KCNT2: variants seen among roughly 807,000 people sequenced by gnomAD.
KCNT2 encodes potassium sodium-activated channel subfamily T member 2.
KCNT2 carries 67 observed loss-of-function variants against 153.8 expected under a neutral mutation model. The ratio of observed to expected loss-of-function variants is 0.44; its 90% CI spans 0.36 to 0.53. The LOEUF is 0.53. Among genes scored for constraint, KCNT2 ranks in the 20% least tolerant of loss-of-function variants. The probability of loss-of-function intolerance (pLI) is 0.00; values close to 1 mark genes in which losing one functional copy is unlikely to be tolerated. For synonymous variants in KCNT2, 500 were observed against 458.8 expected, an observed-to-expected ratio of 1.09 and a Z score of -1.15; for missense variants, 975 against 1,354.8, an observed-to-expected ratio of 0.72 and a Z score of 4.40.
intron 1 of KCNT2, among the ~76,000 whole-genome samples, chr1:196,584,617 C>T (rs1029406143): frequency 6.6e-6 from 1 of 152,020 alleles, no homozygotes; most frequent in Non-Finnish European, 1.5e-5. Context: ...GATGAATGAA[C>T]ATATTTTCAG....
chr1:196,479,099 C>T (rs1205276867), intron 5 of KCNT2, 80 bp downstream of exon 5: 10 of 929,746 alleles, frequency 1.1e-5, no homozygotes, highest in East Asian at 2.7e-5. Flanking sequence ...CCTTCCAGTG[C>T]GAACTATAAA....
At chr1:196,320,544 C>T (rs1386750520) in intron 19 of KCNT2, among the ~76,000 whole-genome samples, 2 of 151,646 alleles carry the variant, frequency 1.3e-5, no homozygotes, top group Admixed American at 6.6e-5. Context: ...GTTTGTTCAG[C>T]ATATGAGGAG....
chr1:196,606,344 A>G (rs1191118053), intron 1 of KCNT2, among the ~76,000 whole-genome samples: 1 of 152,204 alleles, frequency 6.6e-6, no homozygotes, highest in Non-Finnish European at 1.5e-5. Context: ...AACAAATGGA[A>G]CCAAAACCAA....
chr1:196,586,569 ATT>A, intron 1 of KCNT2, among the ~76,000 whole-genome samples: 1 of 152,230 alleles, frequency 6.6e-6, no homozygotes, highest in Admixed American at 6.5e-5. Flanking sequence ...CTGATTTATC[ATT>A]GAGTCACTTT....
At chr1:196,554,401 C>A (rs959796142) in intron 1 of KCNT2, among the ~76,000 whole-genome samples, 4 of 151,184 alleles carry the variant, frequency 2.6e-5, no homozygotes, top group African/African-American at 9.7e-5. Context: ...GTTGGAAAAT[C>A]TGGAGGAAAT....
At chr1:196,526,195 G>A (rs1654175530) in intron 1 of KCNT2, among the ~76,000 whole-genome samples, 2 of 151,746 alleles carry the variant, frequency 1.3e-5, no homozygotes, top group African/African-American at 2.4e-5. Context: ...CAGTGTGAGT[G>A]AAACTTTACA....
intron 11 of KCNT2, among the ~76,000 whole-genome samples, chr1:196,425,102 A>T (rs1050938179): frequency 1.3e-5 from 2 of 151,980 alleles, no homozygotes; most frequent in African/African-American, 4.8e-5. Context: ...ATTGAGCAAA[A>T]CCACTTTTGT....
intron 3 of KCNT2, among the ~76,000 whole-genome samples, chr1:196,488,923 A>G (rs2148724305): frequency 1.3e-5 from 2 of 152,088 alleles, no homozygotes; most frequent in Middle Eastern, 6.8e-3. Flanking sequence ...TATGTGGGAG[A>G]GCACCCAGAA....
intron 14 of KCNT2, among the ~76,000 whole-genome samples, chr1:196,350,067 T>C (rs997548966): frequency 2.0e-5 from 3 of 152,212 alleles, no homozygotes; most frequent in Admixed American, 6.6e-5. Context: ...TAGTATTCCA[T>C]GGTGTATATG....
At chr1:196,495,878 A>G (rs1272941325) in intron 1 of KCNT2, among the ~76,000 whole-genome samples, 1 of 152,112 alleles carries the variant, frequency 6.6e-6, no homozygotes, top group East Asian at 1.9e-4. Context: ...TTGCTATTTA[A>G]TAGTTATTTT....
At chr1:196,531,696 T>G (rs1280024080) in intron 1 of KCNT2, among the ~76,000 whole-genome samples, 1 of 152,046 alleles carries the variant, frequency 6.6e-6, no homozygotes, top group Non-Finnish European at 1.5e-5. Flanking sequence ...AAATGTAGAT[T>G]TGTGATAAGT....
chr1:196,548,320 A>C (rs1459355946), intron 1 of KCNT2, among the ~76,000 whole-genome samples: 1 of 152,018 alleles, frequency 6.6e-6, no homozygotes, highest in Non-Finnish European at 1.5e-5. Context: ...AGAAAAAAAC[A>C]AACAACCCCA....
At position 196,451,312 on chromosome 1, in the gene KCNT2, C is replaced by T. The variant is rs145196645; in HGVS notation, c.638+13981G>A. Among the ~76,000 whole-genome samples, 700 of 135,562 alleles carry T rather than the reference C, an allele frequency of 5.2e-3. 3 individuals are homozygous for T. Among genetic ancestry groups the T allele is most frequent in the Non-Finnish European group, 7.5e-3 (485 of 64,386 alleles). The allele number at this position is 135,562 out of a possible 152,430, so 88.9% of individuals were successfully genotyped here. A position where few individuals can be genotyped will look rare whatever the true frequency, so the allele number is the denominator to read the frequency against. On this transcript the variant is annotated intron_variant, in intron 8 of 27. Coordinates refer to ENST00000294725, the MANE Select transcript of KCNT2 (RefSeq NM_198503.5). Reference sequence around the variant, plus strand: ...GGCTGGAGTACAGACACAATCTCAGCTCACTGCAACCTGTGAATCCCAGGT... The same window carrying T: ...GGCTGGAGTACAGACACAATCTCAGTTCACTGCAACCTGTGAATCCCAGGT...
intron 13 of KCNT2, among the ~76,000 whole-genome samples, chr1:196,389,888 C>G (rs1670321537): frequency 6.6e-6 from 1 of 151,588 alleles, no homozygotes; most frequent in Non-Finnish European, 1.5e-5. Context: ...CTGCTGATCG[C>G]CAAGGTCATT....
intron 25 of KCNT2, chr1:196,273,397 T>G: frequency 2.0e-6 from 2 of 1,001,220 alleles, no homozygotes; most frequent in Non-Finnish European, 2.9e-6. Context: ...TTTAATATTA[T>G]TTTTCTTTAA....
At chr1:196,438,741 T>C (rs781471459) in intron 8 of KCNT2, among the ~76,000 whole-genome samples, 13 of 151,896 alleles carry the variant, frequency 8.6e-5, no homozygotes, top group Admixed American at 6.6e-4. Context: ...AGGATTTCAT[T>C]TGTGATTATA....
chr1:196,320,126 A>G (rs1194522639), intron 19 of KCNT2, among the ~76,000 whole-genome samples: 1 of 151,778 alleles, frequency 6.6e-6, no homozygotes, highest in African/African-American at 2.4e-5. Context: ...GCATTTTTAA[A>G]TTTATTGATA....
intron 13 of KCNT2, among the ~76,000 whole-genome samples, chr1:196,392,940 ACTGTT>A (rs1355135410): frequency 6.6e-6 from 1 of 151,330 alleles, no homozygotes; most frequent in African/African-American, 2.4e-5. Flanking sequence ...ACTAACTCCT[ACTGTT>A]CTGGTATAAT....
chr1:196,253,614 G>A (rs1656187017), intron 26 of KCNT2, among the ~76,000 whole-genome samples: 1 of 151,078 alleles, frequency 6.6e-6, no homozygotes, highest in South Asian at 2.1e-4. Context: ...CCTTTCCCTG[G>A]GGAACAAAGT....
Sources: gnomAD v4.1 joint callset for allele counts (sites outside exome capture counted in the v4.1 genomes callset) on GRCh38, gnomAD v4.1.1 for gene constraint, MANE v1.5 for transcripts, NCBI Gene and HGNC (gene_info 2026-07-23, HGNC 2026-07-21) for gene names.